The following NEBL variants were observed in gnomAD, a reference collection of about 807,000 sequenced individuals.
The protein encoded by NEBL is nebulette, also known as LIM and SH3 protein 2.
NEBL carries 122 observed loss-of-function variants against 140.2 expected under a neutral mutation model. The ratio of observed to expected loss-of-function variants is 0.87; its 90% CI spans 0.75 to 1.01. The LOEUF (loss-of-function observed/expected upper bound fraction) is 1.01, where lower values mean the gene tolerates loss of function less well. NEBL is among the 50% of genes least tolerant of loss of function. The probability of loss-of-function intolerance (pLI) is 0.00; values close to 1 mark genes in which losing one functional copy is unlikely to be tolerated. For synonymous variants in NEBL, 436 were observed against 398.9 expected (o/e 1.09, Z -1.11); for missense variants, 1,365 against 1,231.3 (o/e 1.11, Z -1.62).
At chr10:20,995,579 A>G (rs1423479927) in intron 3 of NEBL, among the ~76,000 whole-genome samples, 1 of 152,240 alleles carries the variant, frequency 6.6e-6, no homozygotes, top group Non-Finnish European at 1.5e-5. Flanking sequence ...AGACAAATCT[A>G]TCAGCAAGAT....
intron 3 of NEBL, among the ~76,000 whole-genome samples, chr10:21,010,036 G>A (rs1293597745): frequency 1.3e-5 from 2 of 152,068 alleles, no homozygotes; most frequent in Admixed American, 6.6e-5. Flanking sequence ...GCCATTACGA[G>A]ACAGTAGTGT....
intron 3 of NEBL, among the ~76,000 whole-genome samples, chr10:20,962,272 G>A (rs1446258431): frequency 6.6e-6 from 1 of 152,242 alleles, no homozygotes. Context: ...GCCCTATGGA[G>A]GAGGGAGATG....
At chr10:20,837,604 T>A (rs937586616) in intron 13 of NEBL, among the ~76,000 whole-genome samples, 2 of 152,136 alleles carry the variant, frequency 1.3e-5, no homozygotes, top group Non-Finnish European at 2.9e-5. Flanking sequence ...TTAATGAAGG[T>A]AGCTACACTA....
At chr10:21,137,460 C>T (rs1839405689) in intron 2 of NEBL, among the ~76,000 whole-genome samples, 1 of 152,174 alleles carries the variant, frequency 6.6e-6, no homozygotes, top group African/African-American at 2.4e-5. Flanking sequence ...TCTGGTTTTG[C>T]CCTGGGCAAG....
In NEBL at chr10:21,018,073, C is replaced by T. The variant is rs548799917; in HGVS notation, c.249+2044G>A. ...CTGACCTCAAGTGATCCACCCACCT[C>T]GGCCTCCCAAAGTGCTCGGATTACA... On this transcript the variant is annotated intron_variant, in intron 3 of 6. Coordinates refer to the NEBL transcript ENST00000417816. Among the ~76,000 whole-genome samples, 41 of 152,238 alleles carry T rather than the reference C, an allele frequency of 2.7e-4. 2 individuals are homozygous for T. The South Asian group carries it at 7.7e-3, about 28-fold the overall frequency.
At chr10:21,182,351 C>T (rs1291961275) in intron 3 of NEBL, among the ~76,000 whole-genome samples, 8 of 152,092 alleles carry the variant, frequency 5.3e-5, no homozygotes, top group Non-Finnish European at 7.4e-5. Context: ...CGGTGTGTGC[C>T]TGTAGTCCCA....
At chr10:21,166,338 G>A (rs905396282) in intron 2 of NEBL, among the ~76,000 whole-genome samples, 5 of 149,964 alleles carry the variant, frequency 3.3e-5, no homozygotes, top group African/African-American at 1.2e-4. Context: ...TCTCTTTTTA[G>A]TACTTAAATG....
In NEBL at chr10:20,995,515, G is replaced by C. The variant is rs192776294; in HGVS notation, c.249+24602C>G. Among the ~76,000 whole-genome samples the C allele has an allele frequency of 7.9e-5, 12 of 152,272 alleles. No homozygotes were observed. The East Asian group carries it at 1.9e-3, about 25-fold the overall frequency. On this transcript the variant is annotated intron_variant, in intron 3 of 6. Coordinates refer to the NEBL transcript ENST00000417816. ...GTTCAGTGTAATTATGAGGGGATTTGCAGCAGCACCGCACGCTGAGGAATA... is the reference window on the plus strand; with the variant it reads ...GTTCAGTGTAATTATGAGGGGATTTCCAGCAGCACCGCACGCTGAGGAATA...
chr10:20,819,577 GCAA>G, intron 19 of NEBL, 61 bp from the exon 20 acceptor site: 2 of 1,589,768 alleles, frequency 1.3e-6, no homozygotes, highest in Non-Finnish European at 1.7e-6. Flanking sequence ...CCAAAACATT[GCAA>G]CAGATTTTTT....
At chr10:20,900,685 T>C (rs1029748075), upstream of NEBL, among the ~76,000 whole-genome samples, 14 of 146,496 alleles carry the variant, frequency 9.6e-5, no homozygotes, top group Non-Finnish European at 1.8e-4. Flanking sequence ...AAAAAAAAAA[T>C]TAGCCGAGTG....
intron 2 of NEBL, among the ~76,000 whole-genome samples, chr10:21,037,532 G>A (rs1272260119): frequency 6.6e-6 from 1 of 151,994 alleles, no homozygotes; most frequent in African/African-American, 2.4e-5. Flanking sequence ...CATGTGGGTC[G>A]GGTGACAGTC....
intron 7 of NEBL, among the ~76,000 whole-genome samples, chr10:20,861,741 AT>A (rs1390306434): frequency 3.3e-5 from 5 of 152,220 alleles, no homozygotes; most frequent in Non-Finnish European, 2.9e-5. Flanking sequence ...GGTTTCCAGC[AT>A]AATTACACTA....
At chr10:21,085,917 T>C (rs12572453) in intron 2 of NEBL, among the ~76,000 whole-genome samples, 2 of 152,028 alleles carry the variant, frequency 1.3e-5, no homozygotes, top group Admixed American at 6.6e-5. Flanking sequence ...TGTTTAGATA[T>C]ACAGGAGGAG....
intron 3 of NEBL, among the ~76,000 whole-genome samples, chr10:21,238,614 G>A (rs1842392828): frequency 6.6e-6 from 1 of 151,530 alleles, no homozygotes; most frequent in South Asian, 2.1e-4. Context: ...GGATGCTGAG[G>A]CAGGAGAATC....
chr10:21,202,293 A>T (rs572375191), intron 3 of NEBL, among the ~76,000 whole-genome samples: 14 of 152,122 alleles, frequency 9.2e-5, no homozygotes, highest in African/African-American at 3.4e-4. Context: ...TACTTTTATC[A>T]TGATTATTAT....
rs1331444530 is a variant in NEBL, at chr10:20,862,956, G to T, written c.685-3130C>A. ...GGGTACATTATATGTTTTGATACAG[G>T]CATGCAGTGCATAATAATCACATCA... On this transcript the variant is annotated intron_variant, in intron 7 of 27. Transcript: ENST00000377122. Among the ~76,000 whole-genome samples, 3 of 151,976 alleles carry T rather than the reference G, an allele frequency of 2.0e-5. No individual in the cohort carries two copies. The South Asian group carries it at 6.2e-4, about 32-fold the overall frequency.
Position 20,813,924 on chromosome 10 carries a change from C to T in NEBL, c.2346+15G>A. 6.7e-7 allele frequency: 1 copy of T among 1,492,294 alleles called. No homozygotes were observed. The highest frequency in any genetic ancestry group is 9.4e-7 in the Non-Finnish European group (1 of 1,069,314). 92.4% of individuals were successfully genotyped at this position (1,492,294 alleles called of 1,614,324 possible). A position where few individuals can be genotyped will look rare whatever the true frequency, so the allele number is the denominator to read the frequency against. ...TTCCTTAGCATGTTTTAAGAATGAT[C>T]TGGTTGGACCCTACCATTGAAATAT... is the stretch of plus-strand genomic sequence containing the variant. On this transcript the variant is annotated intron_variant, in intron 23 of 27. Coordinates refer to ENST00000377122, the MANE Select transcript of NEBL (RefSeq NM_006393.3).
chr10:20,900,163 A>G (rs1847797249), upstream of NEBL, among the ~76,000 whole-genome samples: 1 of 152,214 alleles, frequency 6.6e-6, no homozygotes, highest in Non-Finnish European at 1.5e-5. Context: ...AGCTGCTCAT[A>G]GCTTTTACTT....
chr10:21,029,696 C>A (rs638929), intron 2 of NEBL: 627,617 of 1,004,998 alleles, frequency 0.62, 196,759 homozygotes, highest in East Asian at 0.72. Context: ...TCAGACCAGT[C>A]TGGCCGTGGG....
Sources: gnomAD v4.1 joint callset for allele counts (sites outside exome capture counted in the v4.1 genomes callset) on GRCh38, gnomAD v4.1.1 for gene constraint, MANE v1.5 for transcripts, NCBI Gene and HGNC (gene_info 2026-07-23, HGNC 2026-07-21) for gene names.